CYBB: variants seen among roughly 807,000 people sequenced by gnomAD.
The protein encoded by CYBB is cytochrome b-245 beta chain.
In CYBB, 5 loss-of-function variants were observed where a neutral mutation model predicts 46.5. The ratio of observed to expected loss-of-function variants is 0.11; its 90% CI spans 0.06 to 0.23. The LOEUF (loss-of-function observed/expected upper bound fraction) is 0.23. Among genes scored for constraint, CYBB ranks in the 10% least tolerant of loss-of-function variants. The probability of loss-of-function intolerance (pLI) is 1.00; values close to 1 mark genes in which losing one functional copy is unlikely to be tolerated. For missense variants in CYBB, 307 were observed against 428.3 expected (o/e 0.72, Z 2.50); for synonymous variants, 183 against 156.7 (o/e 1.17, Z -1.26).
rs1929697634 is a variant in CYBB at position 37,812,584 on chromosome X, A to G, written c.*1667A>G. 8.9e-6 allele frequency: 1 copy of G among 111,885 alleles called. No homozygotes were observed. Among genetic ancestry groups the G allele is most frequent in the African/African-American group, 3.3e-5 (1 of 30,715 alleles). The allele number at this position is 111,885 out of a possible 1,213,427, so 9.2% of individuals were successfully genotyped here. On this transcript the variant is annotated 3_prime_UTR_variant, in exon 13 of 13. Coordinates refer to ENST00000378588, the MANE Select transcript of CYBB (RefSeq NM_000397.4). The stretch of plus-strand genomic sequence containing the variant: ...CATATTGATGTTGTTTTGATTATCT[A>G]TGGTATTGAATCTTTTAAAATCTGG...
At chrX:37,783,676 C>A (rs1929002155) in intron 3 of CYBB, 76 bp downstream of exon 3, 2 of 632,617 alleles carry the variant, frequency 3.2e-6, no homozygotes, top group Non-Finnish European at 2.6e-6. Context: ...TAGGTAAAAA[C>A]AAATGAATGA....
intron 8 of CYBB, among the ~76,000 whole-genome samples, chrX:37,801,614 G>GTGTA (rs1929442337): frequency 9.2e-6 from 1 of 109,004 alleles, no homozygotes; most frequent in Non-Finnish European, 1.9e-5. Flanking sequence ...GTGTGTGTGT[G>GTGTA]TGTGTGTGTG....
rs1602185687 is a variant in CYBB at position 37,809,566 on chromosome X, G to A, written c.1462-1G>A. On this transcript the variant is annotated splice_acceptor_variant, in intron 11 of 12. Coordinates refer to ENST00000378588, the MANE Select transcript of CYBB (RefSeq NM_000397.4). LOFTEE classifies it high-confidence loss of function. ...TTCTGAATTCATGTCCTTTCCTGTA[G>A]GCCAATCACTTTGCTGTGCACCATG... 1 of 1,197,926 alleles carries A rather than the reference G, an allele frequency of 8.3e-7. No homozygotes were observed. The highest frequency in any genetic ancestry group is 1.1e-6 in the Non-Finnish European group (1 of 887,532).
intron 7 of CYBB, among the ~76,000 whole-genome samples, chrX:37,799,394 A>G (rs1193799119): frequency 1.8e-5 from 2 of 111,758 alleles, no homozygotes; most frequent in Admixed American, 1.9e-4. Flanking sequence ...AATGATTTTT[A>G]GGGGGACACT....
intron 7 of CYBB, among the ~76,000 whole-genome samples, chrX:37,799,865 A>G (rs1267224184): frequency 4.5e-5 from 5 of 111,570 alleles, no homozygotes; most frequent in African/African-American, 1.6e-4. Flanking sequence ...ACATTTGTGC[A>G]GGGCTTCTGA....
At chrX:37,800,905 G>T (rs782359097) in intron 7 of CYBB, among the ~76,000 whole-genome samples, 1 of 112,195 alleles carries the variant, frequency 8.9e-6, no homozygotes, top group East Asian at 2.8e-4. Flanking sequence ...ATCCTTTAAA[G>T]AAATGTTAAT....
intron 11 of CYBB, among the ~76,000 whole-genome samples, chrX:37,808,752 G>C (rs1291856677): frequency 2.7e-5 from 3 of 112,336 alleles, no homozygotes; most frequent in Non-Finnish European, 3.8e-5. Flanking sequence ...TTGCTTTACT[G>C]TTCTGTTATT....
In CYBB at chrX:37,799,040, A is replaced by G. The variant is rs1556469192; in HGVS notation, c.760A>G (p.Ile254Val). The G allele has an allele frequency of 8.3e-7, 1 of 1,208,742 alleles. No individual in the cohort carries two copies. Among genetic ancestry groups the G allele is most frequent in the Non-Finnish European group, 1.1e-6 (1 of 892,871 alleles). The change falls in exon 7 of 13, where the codon ATA (isoleucine) becomes GTA (valine). Residue 254 changes from isoleucine to valine, a missense_variant. By Grantham distance (29) the Ile-to-Val change is conservative (BLOSUM62 3). Transcript: ENST00000378588. ...ACAAAAAATCTCAGAATGGGGAAAA[A>G]TAAAGGAATGCCCAATCCCTCAGTT... is the stretch of plus-strand genomic sequence containing the variant. ...CEQKISEWGK[I>V]KECPIPQFAG...
chrX:37,806,687 C>T (rs968276352), intron 11 of CYBB, among the ~76,000 whole-genome samples, 154 bp downstream of exon 11: 6 of 111,457 alleles, frequency 5.4e-5, no homozygotes, highest in Non-Finnish European at 9.4e-5. Flanking sequence ...AGTATCGCCA[C>T]ATTATATTTA....
chrX:37,787,297 C>T (rs1401736873), intron 3 of CYBB, among the ~76,000 whole-genome samples: 1 of 112,075 alleles, frequency 8.9e-6, no homozygotes, highest in Non-Finnish European at 1.9e-5. Context: ...CTCCCAGTTG[C>T]GTATAAATAT....
chrX:37,803,419 A>T (rs1357088677), intron 8 of CYBB, among the ~76,000 whole-genome samples: 2 of 111,212 alleles, frequency 1.8e-5, no homozygotes, highest in Admixed American at 1.9e-4. Context: ...AGGAAAAAAA[A>T]ATCACAATAG....
At chrX:37,800,651 G>A (rs1929417278) in intron 7 of CYBB, among the ~76,000 whole-genome samples, 1 of 111,443 alleles carries the variant, frequency 9.0e-6, no homozygotes, top group South Asian at 3.7e-4. Flanking sequence ...ATGCTACAGA[G>A]TAATTCCAGT....
intron 3 of CYBB, among the ~76,000 whole-genome samples, chrX:37,784,897 ATGC>A (rs1929029554): frequency 9.0e-6 from 1 of 111,641 alleles, no homozygotes; most frequent in Admixed American, 9.5e-5. Flanking sequence ...TGAGGAGTTC[ATGC>A]TTAATTTGGC....
intron 3 of CYBB, 21 bp downstream of exon 3, chrX:37,783,621 A>G: frequency 9.5e-7 from 1 of 1,054,562 alleles, no homozygotes; most frequent in Non-Finnish European, 1.3e-6. Context: ...ATGTTTTACT[A>G]AGTTCCTCTA....
intron 2 of CYBB, 45 bp from the exon 3 acceptor site, chrX:37,783,445 C>A: frequency 1.1e-6 from 1 of 878,961 alleles, no homozygotes; most frequent in Non-Finnish European, 1.7e-6. Context: ...AGGGCATATT[C>A]TGTGCTCAAA....
intron 7 of CYBB, among the ~76,000 whole-genome samples, chrX:37,800,616 C>T (rs1929416488): frequency 9.0e-6 from 1 of 111,258 alleles, no homozygotes; most frequent in Non-Finnish European, 1.9e-5. Context: ...ATCTGTTTGA[C>T]CTCAATGTTT....
At position 37,811,109 on chromosome X, in the gene CYBB, A is replaced by G; in HGVS notation, c.*192A>G. 1 of 400,899 alleles carries G rather than the reference A, an allele frequency of 2.5e-6. No homozygotes were observed. The highest frequency in any genetic ancestry group is 4.3e-6 in the Non-Finnish European group (1 of 233,617). The allele number at this position is 400,899 out of a possible 1,213,427, so 33.0% of individuals were successfully genotyped here. A position where few individuals can be genotyped will look rare whatever the true frequency, so the allele number is the denominator to read the frequency against. ...ATTTATGTGGAGCTCTATGGTTTTG[A>G]GAGCACTTTTACAAACATTATTTCA... On this transcript the variant is annotated 3_prime_UTR_variant, in exon 13 of 13. Coordinates refer to ENST00000378588, the MANE Select transcript of CYBB (RefSeq NM_000397.4).
At chrX:37,794,373 C>G (rs1414802751) in intron 5 of CYBB, among the ~76,000 whole-genome samples, 5 of 111,274 alleles carry the variant, frequency 4.5e-5, no homozygotes, top group African/African-American at 1.3e-4. Flanking sequence ...AGGACTAAGT[C>G]TATAATAGGC....
chrX:37,785,921 C>A (rs1556465435), intron 3 of CYBB, among the ~76,000 whole-genome samples: 1 of 111,353 alleles, frequency 9.0e-6, no homozygotes, highest in Non-Finnish European at 1.9e-5. Context: ...AGCTTTTATG[C>A]CTCCTGTGAC....
Sources: gnomAD v4.1 joint callset for allele counts (sites outside exome capture counted in the v4.1 genomes callset) on GRCh38, gnomAD v4.1.1 for gene constraint, MANE v1.5 for transcripts, NCBI Gene and HGNC (gene_info 2026-07-23, HGNC 2026-07-21) for gene names.